LARGE1: variants seen among roughly 807,000 people sequenced by gnomAD.
The protein encoded by LARGE1 is xylosyl- and glucuronyltransferase LARGE1.
Under a neutral mutation model 87.6 loss-of-function variants are expected in LARGE1, and 43 were observed. The observed-to-expected ratio is 0.49, with a 90% CI of 0.38 to 0.63. The LOEUF (loss-of-function observed/expected upper bound fraction) is 0.63, where lower values mean the gene tolerates loss of function less well. Ranked by LOEUF, LARGE1 falls within the 30% of genes least tolerant of loss-of-function variation. The pLI is 0.00. For missense variants in LARGE1, 802 were observed against 1,000.2 expected (o/e 0.80, Z 2.67); for synonymous variants, 434 against 394.6 (o/e 1.10, Z -1.18).
rs146709399 is a variant in LARGE1 at position 33,858,271 on chromosome 22, C to T, written c.-83+61724G>A. On this transcript the variant is annotated intron_variant, in intron 1 of 14. Transcript: ENST00000397394. ...CTGGATCCAGAGGGATGGAAGTCAGCGGCAGGTCTGTGACTGTGGCAAACA... is the reference window on the plus strand; with the variant it reads ...CTGGATCCAGAGGGATGGAAGTCAGTGGCAGGTCTGTGACTGTGGCAAACA... Among the ~76,000 whole-genome samples, 306 of 152,250 alleles carry T rather than the reference C, an allele frequency of 2.0e-3. 1 individual carries two copies. The highest frequency in any genetic ancestry group is 3.3e-3 in the Admixed American group (51 of 15,306).
chr22:33,906,879 G>A (rs1262156102), intron 1 of LARGE1, among the ~76,000 whole-genome samples: 1 of 152,020 alleles, frequency 6.6e-6, no homozygotes, highest in Admixed American at 6.6e-5. Flanking sequence ...AGAGATGAAG[G>A]GAAAGGGAAT....
chr22:33,288,990 G>A (rs533480290), intron 12 of LARGE1, among the ~76,000 whole-genome samples: 10 of 151,980 alleles, frequency 6.6e-5, no homozygotes, highest in East Asian at 1.9e-4. Context: ...ACAGAGTCTC[G>A]CTCTGTTGCC....
At chr22:33,082,849 C>T in the LARGE1 span, among the ~76,000 whole-genome samples, 1 of 152,030 alleles carries the variant, frequency 6.6e-6, no homozygotes, top group African/African-American at 2.4e-5. Flanking sequence ...CACGGTGAAA[C>T]CCCATCTCTA....
intron 12 of LARGE1, among the ~76,000 whole-genome samples, chr22:33,290,326 C>T (rs1395302556): frequency 6.6e-6 from 1 of 152,204 alleles, no homozygotes; most frequent in East Asian, 1.9e-4. Context: ...GACAACTTCA[C>T]CTCCTCGGAG....
chr22:33,641,776 A>T (rs566219753), intron 3 of LARGE1, among the ~76,000 whole-genome samples: 4 of 152,196 alleles, frequency 2.6e-5, no homozygotes, highest in Non-Finnish European at 5.9e-5. Context: ...AAACAGAAGG[A>T]TATCAGAGAT....
chr22:33,453,551 G>T (rs916105487), intron 6 of LARGE1, among the ~76,000 whole-genome samples: 1 of 152,194 alleles, frequency 6.6e-6, no homozygotes, highest in Non-Finnish European at 1.5e-5. Flanking sequence ...TAGAGAGTCA[G>T]CTACAGTCAG....
Position 33,267,164 on chromosome 22 carries a change from C to T in LARGE1, c.1730+37065G>A, listed in dbSNP as rs994426836. On this transcript the variant is annotated intron_variant, in intron 11 of 11. Coordinates refer to the LARGE1 transcript ENST00000608642. ...CTGAGGTACAAGAACTGCTGGAATC[C>T]GGGGAGGCAGAGGTTGCAGTGAGCT... Among the ~76,000 whole-genome samples the T allele has an allele frequency of 6.6e-5, 10 of 151,614 alleles. 1 individual carries two copies. Among genetic ancestry groups the T allele is most frequent in the East Asian group, 1.9e-4 (1 of 5,186 alleles).
chr22:33,261,785 G>A (rs1927639545), intron 11 of LARGE1, among the ~76,000 whole-genome samples: 1 of 152,090 alleles, frequency 6.6e-6, no homozygotes, highest in South Asian at 2.1e-4. Context: ...CTTTTTGCCT[G>A]TTTTCTCATC....
At chr22:33,603,848 G>T (rs1252832874) in intron 5 of LARGE1, among the ~76,000 whole-genome samples, 2 of 152,122 alleles carry the variant, frequency 1.3e-5, no homozygotes, top group East Asian at 3.9e-4. Flanking sequence ...GGGAAGAGAT[G>T]ACCAAAAAGG....
intron 7 of LARGE1, 140 bp downstream of exon 7, chr22:33,432,021 T>C: frequency 1.4e-6 from 1 of 722,760 alleles, no homozygotes; most frequent in Non-Finnish European, 2.5e-6. Flanking sequence ...GAATGCAAAC[T>C]GCCCACAAAC....
intron 7 of LARGE1, among the ~76,000 whole-genome samples, chr22:33,397,694 T>G (rs1173312134): frequency 2.0e-5 from 3 of 152,216 alleles, no homozygotes; most frequent in Non-Finnish European, 2.9e-5. Flanking sequence ...AGTACATACC[T>G]CCAAGTGGAA....
chr22:33,918,728 T>C (rs1209949389), intron 1 of LARGE1, among the ~76,000 whole-genome samples: 1 of 152,086 alleles, frequency 6.6e-6, no homozygotes, highest in Non-Finnish European at 1.5e-5. Context: ...ACTCCTGAGG[T>C]GGGAAGACAG....
At chr22:33,359,006 A>C (rs2064283475) in intron 9 of LARGE1, among the ~76,000 whole-genome samples, 1 of 151,912 alleles carries the variant, frequency 6.6e-6, no homozygotes, top group Non-Finnish European at 1.5e-5. Context: ...TTAAAAAAAA[A>C]AAAAAAAATT....
intron 1 of LARGE1, among the ~76,000 whole-genome samples, chr22:33,785,158 T>C (rs1050806095): frequency 7.3e-6 from 1 of 137,520 alleles, no homozygotes; most frequent in South Asian, 2.3e-4. Context: ...TGTATATACA[T>C]ATATGTGTAT....
intron 3 of LARGE1, among the ~76,000 whole-genome samples, chr22:33,640,490 C>T (rs1001116828): frequency 3.9e-5 from 6 of 152,102 alleles, no homozygotes; most frequent in African/African-American, 1.4e-4. Context: ...ATAAGTTATA[C>T]CGAAAGTCAA....
intron 1 of LARGE1, among the ~76,000 whole-genome samples, chr22:33,895,239 A>G (rs2065107921): frequency 6.6e-6 from 1 of 152,192 alleles, no homozygotes; most frequent in Non-Finnish European, 1.5e-5. Context: ...AGAAAACAGA[A>G]AAGCAGGCCA....
intron 2 of LARGE1, among the ~76,000 whole-genome samples, chr22:33,683,707 G>T (rs2081854017): frequency 6.6e-6 from 1 of 151,730 alleles, no homozygotes; most frequent in Admixed American, 6.6e-5. Context: ...GAATAGAATG[G>T]TTAGGCAATA....
At chr22:33,918,614 A>G (rs1203251427) in intron 1 of LARGE1, among the ~76,000 whole-genome samples, 2 of 152,216 alleles carry the variant, frequency 1.3e-5, no homozygotes, top group Non-Finnish European at 2.9e-5. Context: ...GCCAGTGAGT[A>G]ATTCATTCAT....
intron 11 of LARGE1, among the ~76,000 whole-genome samples, chr22:33,246,523 G>A (rs539170612): frequency 6.6e-6 from 1 of 152,230 alleles, no homozygotes; most frequent in South Asian, 2.1e-4. Context: ...GTGCGCACCT[G>A]TAATCCCAGC....
Sources: allele counts gnomAD v4.1 joint callset (sites outside exome capture counted in the v4.1 genomes callset), GRCh38; gene constraint gnomAD v4.1.1; transcripts MANE v1.5; gene names NCBI Gene and HGNC (gene_info 2026-07-23, HGNC 2026-07-21).